Variants in MYCBP observed in about 807,000 individuals in gnomAD.
MYCBP encodes the protein MYC binding protein.
In MYCBP, 5 loss-of-function variants were observed where a neutral mutation model predicts 16.8. The observed-to-expected ratio is 0.30, with a 90% confidence interval of 0.16 to 0.63. The LOEUF is 0.63. Among genes scored for constraint, MYCBP ranks in the 20% least tolerant of loss-of-function variants. MYCBP has a pLI of 0.83. For missense variants in MYCBP, 103 were observed against 121.8 expected (o/e 0.85, Z 0.73); for synonymous variants, 35 against 43.7 (o/e 0.80, Z 0.79).
rs898184305 is a variant in MYCBP at position 38,864,723 on chromosome 1, C to A, written c.268-9G>T. The A allele has an allele frequency of 3.7e-6, 6 of 1,613,070 alleles. No homozygotes were observed. Among genetic ancestry groups the A allele is most frequent in the Non-Finnish European group, 5.1e-6 (6 of 1,179,344 alleles). ...GGTTCATACTGAGCAAGCTATGGGG[C>A]AAAGACAGAGGAATTTAGGTGAATT... On this transcript the variant is annotated splice_polypyrimidine_tract_variant and intron_variant, in intron 4 of 4. Coordinates refer to ENST00000397572, the MANE Select transcript of MYCBP (RefSeq NM_012333.5).
intron 4 of MYCBP, among the ~76,000 whole-genome samples, chr1:38,866,044 C>CTCTTTTTTTTTTTTT (rs1642327727): frequency 1.5e-5 from 1 of 65,720 alleles, no homozygotes; most frequent in African/African-American, 7.9e-5. Flanking sequence ...CTAAGAACCT[C>CTCTTTTTTTTTTTTT]TTTTTTTTTT....
At chr1:38,864,872 A>G (rs1642305307) in intron 4 of MYCBP, among the ~76,000 whole-genome samples, 158 bp from the exon 5 acceptor site, 1 of 152,248 alleles carries the variant, frequency 6.6e-6, no homozygotes, top group Admixed American at 6.5e-5. Flanking sequence ...CAGTGATTTA[A>G]GATTTAATAC....
chr1:38,868,145 A>G (rs1024517415), intron 2 of MYCBP, among the ~76,000 whole-genome samples: 8 of 152,242 alleles, frequency 5.3e-5, no homozygotes, highest in South Asian at 2.1e-4. Context: ...CTTAACTGCT[A>G]TGTGGACCAG....
chr1:38,862,833 C>G lies in MYCBP; in HGVS notation c.*1837G>C, dbSNP rs1642268510. The G allele has an allele frequency of 6.6e-6, 1 of 152,184 alleles. No individual in the cohort carries two copies. The highest frequency in any genetic ancestry group is 2.1e-4 in the South Asian group (1 of 4,832). The allele number at this position is 152,184 out of a possible 1,614,324, so 9.4% of individuals were successfully genotyped here. On this transcript the variant is annotated 3_prime_UTR_variant, in exon 5 of 5. Transcript: ENST00000397572. ...ATGGTACCAAAGACAGTCACAGTCACCTGGCTTACTGACATAAATATTAAT... is the reference window on the plus strand; with the variant it reads ...ATGGTACCAAAGACAGTCACAGTCAGCTGGCTTACTGACATAAATATTAAT...
chr1:38,866,198 A>G (rs183043472), intron 4 of MYCBP, among the ~76,000 whole-genome samples: 258 of 149,766 alleles, frequency 1.7e-3, no homozygotes, highest in African/African-American at 5.6e-3. Context: ...ACAGGCATGC[A>G]CCACCAAGCC....
intron 4 of MYCBP, among the ~76,000 whole-genome samples, chr1:38,865,069 G>A (rs1642308389): frequency 6.6e-6 from 1 of 152,194 alleles, no homozygotes. Flanking sequence ...AATACCCACT[G>A]AAAAGTAGAT....
In MYCBP at chr1:38,862,736, C is replaced by T. The variant is rs1642267462; in HGVS notation, c.*1934G>A. Among the ~76,000 whole-genome samples, 1 of 152,196 alleles carries T rather than the reference C, an allele frequency of 6.6e-6. No individual in the cohort carries two copies. The highest frequency in any genetic ancestry group is 1.5e-5 in the Non-Finnish European group (1 of 68,036). On this transcript the variant is annotated 3_prime_UTR_variant, in exon 5 of 5. Coordinates refer to ENST00000397572, the MANE Select transcript of MYCBP (RefSeq NM_012333.5). ...AATTCTTAAATAGCACTGACTGTTA[C>T]AGTTTAAGCAAGTCAGTTTCACCTA...
At chr1:38,871,689 A>G (rs1642471314) in intron 2 of MYCBP, among the ~76,000 whole-genome samples, 1 of 151,764 alleles carries the variant, frequency 6.6e-6, no homozygotes, top group South Asian at 2.1e-4. Context: ...CTGAGATTAC[A>G]GGCATGAGCC....
In MYCBP at chr1:38,868,722, A is replaced by G. The variant is rs181849559; in HGVS notation, c.89-1112T>C. Among the ~76,000 whole-genome samples the G allele has an allele frequency of 1.6e-3, 239 of 152,106 alleles. 1 individual carries two copies. The highest frequency in any genetic ancestry group is 2.5e-3 in the Non-Finnish European group (173 of 67,998). On this transcript the variant is annotated intron_variant, in intron 2 of 4. Coordinates refer to ENST00000397572, the MANE Select transcript of MYCBP (RefSeq NM_012333.5). ...AGATCAAGACCATCCTGGCTAACAC[A>G]GTGAAACCCCGTCTCTACTAAAAAA...
At chr1:38,867,777 TAC>T (rs1642370878) in intron 2 of MYCBP, among the ~76,000 whole-genome samples, 167 bp from the exon 3 acceptor site, 1 of 152,178 alleles carries the variant, frequency 6.6e-6, no homozygotes, top group South Asian at 2.1e-4. Context: ...TCAACAAATT[TAC>T]AGTCAAGCAT....
intron 2 of MYCBP, among the ~76,000 whole-genome samples, chr1:38,868,822 C>T (rs1039644295): frequency 9.2e-5 from 14 of 152,026 alleles, no homozygotes; most frequent in Admixed American, 3.9e-4. Flanking sequence ...AGGAGAATGG[C>T]GTCAACCCAG....
At chr1:38,869,735 C>T (rs539948418) in intron 2 of MYCBP, among the ~76,000 whole-genome samples, 1 of 152,210 alleles carries the variant, frequency 6.6e-6, no homozygotes, top group South Asian at 2.1e-4. Context: ...TATTTCAAAT[C>T]ATCTTGGAAA....
In MYCBP at chr1:38,863,673, G is replaced by T. The variant is rs1370438446; in HGVS notation, c.*997C>A. 1 of 152,622 alleles carries T rather than the reference G, an allele frequency of 6.6e-6. No individual in the cohort carries two copies. The highest frequency in any genetic ancestry group is 1.5e-5 in the Non-Finnish European group (1 of 68,038). The allele number at this position is 152,622 out of a possible 1,614,324, so 9.5% of individuals were successfully genotyped here. A position where few individuals can be genotyped will look rare whatever the true frequency, so the allele number is the denominator to read the frequency against. ...AGGCTCTACAGTTAGTGAGTGATTT[G>T]TATTAATATCAGTCTTTGGCCTAAA... On this transcript the variant is annotated 3_prime_UTR_variant, in exon 5 of 5. Coordinates refer to ENST00000397572, the MANE Select transcript of MYCBP (RefSeq NM_012333.5).
intron 2 of MYCBP, among the ~76,000 whole-genome samples, chr1:38,872,303 T>C (rs554875292): frequency 6.6e-6 from 1 of 152,326 alleles, no homozygotes; most frequent in Non-Finnish European, 1.5e-5. Flanking sequence ...GCCAATAAAG[T>C]AAACTGTACC....
chr1:38,872,728 C>A, intron 2 of MYCBP: 1 of 468,836 alleles, frequency 2.1e-6, no homozygotes, highest in South Asian at 3.1e-5. Flanking sequence ...AGGTCCTTGG[C>A]AAACATGTCC....
intron 4 of MYCBP, among the ~76,000 whole-genome samples, chr1:38,866,044 C>CTTTTTATTTTTTTT (rs1642327832): frequency 4.6e-5 from 3 of 65,720 alleles, no homozygotes; most frequent in African/African-American, 2.4e-4. Flanking sequence ...CTAAGAACCT[C>CTTTTTATTTTTTTT]TTTTTTTTTT....
rs1642277409 is a variant in MYCBP at position 38,863,317 on chromosome 1, A to G, written c.*1353T>C. On this transcript the variant is annotated 3_prime_UTR_variant, in exon 5 of 5. Coordinates refer to ENST00000397572, the MANE Select transcript of MYCBP (RefSeq NM_012333.5). The stretch of plus-strand genomic sequence containing the variant: ...TAGTTAAACCAGTTTTCATTGGATC[A>G]TTTTGTTTTCTATGTGTGTTTTGAC... The G allele has an allele frequency of 6.6e-6, 1 of 152,172 alleles. No individual in the cohort carries two copies. Among genetic ancestry groups the G allele is most frequent in the Non-Finnish European group, 1.5e-5 (1 of 68,022 alleles). The allele number at this position is 152,172 out of a possible 1,614,324, so 9.4% of individuals were successfully genotyped here.
At position 38,863,690 on chromosome 1, in the gene MYCBP, T is replaced by C. The variant is rs1642283119; in HGVS notation, c.*980A>G. 1 of 152,662 alleles carries C rather than the reference T, an allele frequency of 6.6e-6. No individual in the cohort carries two copies. The highest frequency in any genetic ancestry group is 2.4e-5 in the African/African-American group (1 of 41,464). The allele number at this position is 152,662 out of a possible 1,614,324, so 9.5% of individuals were successfully genotyped here. A position where few individuals can be genotyped will look rare whatever the true frequency, so the allele number is the denominator to read the frequency against. ...AGTGATTTGTATTAATATCAGTCTT[T>C]GGCCTAAAAATTCAGCACCCCTCTT... On this transcript the variant is annotated 3_prime_UTR_variant, in exon 5 of 5. Coordinates refer to ENST00000397572, the MANE Select transcript of MYCBP (RefSeq NM_012333.5).
chr1:38,867,273 C>T (rs537611625), intron 3 of MYCBP, among the ~76,000 whole-genome samples: 16 of 152,080 alleles, frequency 1.1e-4, no homozygotes, highest in African/African-American at 3.6e-4. Flanking sequence ...AGTGAAACCC[C>T]GTCTCTACTA....
Sources: allele counts gnomAD v4.1 joint callset (sites outside exome capture counted in the v4.1 genomes callset), GRCh38; gene constraint gnomAD v4.1.1; transcripts MANE v1.5; gene names NCBI Gene and HGNC (gene_info 2026-07-23, HGNC 2026-07-21).